The following DLG2 variants were observed in gnomAD, a reference collection of about 807,000 sequenced individuals.
DLG2 encodes the protein discs large MAGUK scaffold protein 2.
A neutral mutation model predicts 132.5 loss-of-function variants in DLG2; 45 were observed. The observed-to-expected ratio is 0.34, with a 90% CI of 0.27 to 0.44. The LOEUF (loss-of-function observed/expected upper bound fraction) is 0.44. Ranked by LOEUF, DLG2 falls within the 20% of genes least tolerant of loss-of-function variation. The pLI is 1.00. For synonymous variants in DLG2, 424 were observed against 419.6 expected (o/e 1.01, Z -0.13); for missense variants, 1,045 against 1,196.9 (o/e 0.87, Z 1.87).
chr11:85,067,914 C>A (rs2065177495), intron 6 of DLG2, among the ~76,000 whole-genome samples: 2 of 152,006 alleles, frequency 1.3e-5, no homozygotes, highest in African/African-American at 4.8e-5. Flanking sequence ...AAAATACTGG[C>A]AAACCGAATA....
intron 17 of DLG2, among the ~76,000 whole-genome samples, chr11:83,789,601 G>A (rs2040970029): frequency 6.6e-6 from 1 of 151,096 alleles, no homozygotes; most frequent in Admixed American, 6.6e-5. Context: ...AGCCTGGAGT[G>A]CAGTGGCATG....
chr11:85,098,550 A>C (rs1332612229), intron 6 of DLG2, among the ~76,000 whole-genome samples: 1 of 152,244 alleles, frequency 6.6e-6, no homozygotes, highest in East Asian at 1.9e-4. Context: ...AACAGAGTAC[A>C]ACTTTTTAAT....
At chr11:84,133,741 T>G (rs1390055857) in intron 9 of DLG2, among the ~76,000 whole-genome samples, 1 of 151,926 alleles carries the variant, frequency 6.6e-6, no homozygotes, top group Non-Finnish European at 1.5e-5. Context: ...TCAGCCTGTT[T>G]AATAGCTGGG....
intron 3 of DLG2, among the ~76,000 whole-genome samples, chr11:85,581,015 C>T (rs2078476061): frequency 6.6e-6 from 1 of 152,164 alleles, no homozygotes; most frequent in African/African-American, 2.4e-5. Flanking sequence ...CAACTGGGGT[C>T]CACTAATGGG....
At chr11:84,806,078 GA>G (rs1486901091) in intron 6 of DLG2, among the ~76,000 whole-genome samples, 12 of 152,232 alleles carry the variant, frequency 7.9e-5, no homozygotes, top group Non-Finnish European at 1.5e-4. Flanking sequence ...TTCTGTAAAT[GA>G]ATAAAAGAGA....
At chr11:83,822,211 T>A (rs1455364641) in intron 17 of DLG2, among the ~76,000 whole-genome samples, 2 of 152,160 alleles carry the variant, frequency 1.3e-5, no homozygotes, top group African/African-American at 2.4e-5. Context: ...TCTTACTAGG[T>A]AGGAAGCACA....
intron 3 of DLG2, among the ~76,000 whole-genome samples, chr11:85,558,858 C>T (rs1027276872): frequency 5.3e-5 from 8 of 151,714 alleles, no homozygotes; most frequent in Non-Finnish European, 1.0e-4. Context: ...TCCTGGGTGA[C>T]GGGATCAATC....
intron 3 of DLG2, among the ~76,000 whole-genome samples, chr11:85,375,800 T>C (rs184328733): frequency 8.5e-5 from 13 of 152,282 alleles, no homozygotes; most frequent in African/African-American, 2.9e-4. Flanking sequence ...GAGACCATGA[T>C]GATTTGATTT....
At chr11:83,489,398 TAGATC>T (rs1168866408) in intron 21 of DLG2, among the ~76,000 whole-genome samples, 2 of 151,986 alleles carry the variant, frequency 1.3e-5, no homozygotes, top group African/African-American at 4.8e-5. Context: ...GGAAAACACA[TAGATC>T]AGAAGAAACT....
At chr11:84,043,301 G>A (rs1009439310) in intron 11 of DLG2, among the ~76,000 whole-genome samples, 14 of 151,410 alleles carry the variant, frequency 9.2e-5, no homozygotes, top group African/African-American at 3.4e-4. Context: ...TTCATCATCA[G>A]ATTTACATCT....
chr11:84,624,051 C>T, intron 6 of DLG2, among the ~76,000 whole-genome samples: 1 of 152,258 alleles, frequency 6.6e-6, no homozygotes, highest in South Asian at 2.1e-4. Context: ...TGAACCATAA[C>T]AGAAAATCTT....
At chr11:84,552,199 G>A (rs1592184528) in intron 6 of DLG2, among the ~76,000 whole-genome samples, 1 of 152,076 alleles carries the variant, frequency 6.6e-6, no homozygotes, top group Non-Finnish European at 1.5e-5. Context: ...TATCTCCATT[G>A]TCCACTCCCC....
chr11:85,522,329 T>C (rs1345251926), intron 3 of DLG2, among the ~76,000 whole-genome samples: 1 of 152,134 alleles, frequency 6.6e-6, no homozygotes, highest in African/African-American at 2.4e-5. Flanking sequence ...TCAGAGGACA[T>C]AAGGAAATGC....
intron 4 of DLG2, among the ~76,000 whole-genome samples, chr11:85,284,587 C>A (rs554851038): frequency 6.6e-6 from 1 of 151,958 alleles, no homozygotes; most frequent in South Asian, 2.1e-4. Flanking sequence ...CTGAGACATG[C>A]CTCAACTTGC....
At chr11:85,372,506 G>A (rs2085065823) in intron 3 of DLG2, among the ~76,000 whole-genome samples, 1 of 152,220 alleles carries the variant, frequency 6.6e-6, no homozygotes, top group African/African-American at 2.4e-5. Context: ...TTGTATCTAA[G>A]GGATCCAGAA....
At chr11:84,899,006 G>A (rs1330703200) in intron 6 of DLG2, among the ~76,000 whole-genome samples, 1 of 152,022 alleles carries the variant, frequency 6.6e-6, no homozygotes, top group African/African-American at 2.4e-5. Flanking sequence ...CCCAGTGCTT[G>A]TGCAGAAGCT....
intron 6 of DLG2, among the ~76,000 whole-genome samples, chr11:84,807,287 A>G (rs1235152859): frequency 6.6e-6 from 1 of 152,078 alleles, no homozygotes; most frequent in Non-Finnish European, 1.5e-5. Flanking sequence ...CTCTACCAAA[A>G]ATACAAAAAT....
intron 19 of DLG2, among the ~76,000 whole-genome samples, chr11:83,555,259 A>C (rs2096490726): frequency 6.6e-6 from 1 of 152,276 alleles, no homozygotes; most frequent in Non-Finnish European, 1.5e-5. Flanking sequence ...AGGCCAGGTC[A>C]TGGAGAATCC....
chr11:83,844,717 A>T (rs1516621), intron 16 of DLG2, among the ~76,000 whole-genome samples: 13 of 151,774 alleles, frequency 8.6e-5, no homozygotes, highest in African/African-American at 1.9e-4. Flanking sequence ...AGATCTCCAG[A>T]GCTGTGAGGT....
Sources: allele counts gnomAD v4.1 joint callset (sites outside exome capture counted in the v4.1 genomes callset), GRCh38; gene constraint gnomAD v4.1.1; transcripts MANE v1.5; gene names NCBI Gene and HGNC (gene_info 2026-07-23, HGNC 2026-07-21).